The following KCTD9 variants were observed in gnomAD, a reference collection of about 807,000 sequenced individuals.
KCTD9 encodes the protein BTB/POZ domain-containing protein KCTD9.
Under a neutral mutation model 53.3 loss-of-function variants are expected in KCTD9, and 17 were observed. That is an observed-to-expected ratio of 0.32 (90% CI 0.22 to 0.48). The LOEUF is 0.48. Among genes scored for constraint, KCTD9 ranks in the 20% least tolerant of loss-of-function variants. KCTD9 has a pLI of 0.99. For missense variants in KCTD9, 179 were observed against 465.5 expected, an observed-to-expected ratio of 0.38 and a Z score of 5.66; for synonymous variants, 128 against 162.7, an observed-to-expected ratio of 0.79 and a Z score of 1.62.
At chr8:25,456,167 T>C (rs142144689) in intron 1 of KCTD9, among the ~76,000 whole-genome samples, 5 of 152,270 alleles carry the variant, frequency 3.3e-5, no homozygotes, top group Non-Finnish European at 7.3e-5. Flanking sequence ...AAACAAGCTA[T>C]GAGAGGGAAA....
intron 6 of KCTD9, among the ~76,000 whole-genome samples, chr8:25,436,729 G>T (rs1437791158): frequency 6.6e-6 from 1 of 152,078 alleles, no homozygotes; most frequent in Non-Finnish European, 1.5e-5. Flanking sequence ...TGTCTTATAG[G>T]AGAATAAATT....
At position 25,436,207 on chromosome 8, in the gene KCTD9, A is replaced by G. The variant is rs183177894; in HGVS notation, c.663+28T>C. ...TTTATTCATAGATTTGCTGATAGAA[A>G]TAATTGATGTAAAAGCCTGCTAATT... On this transcript the variant is annotated intron_variant, in intron 8 of 11. Coordinates refer to ENST00000221200, the MANE Select transcript of KCTD9 (RefSeq NM_017634.4). 1,625 of 1,320,086 alleles carry G rather than the reference A, an allele frequency of 1.2e-3. 2 individuals carry two copies. Among genetic ancestry groups the G allele is most frequent in the Non-Finnish European group, 1.5e-3 (1,370 of 914,712 alleles). 81.8% of individuals were successfully genotyped at this position (1,320,086 alleles called of 1,614,324 possible).
At chr8:25,439,044 A>T (rs1301932907) in intron 6 of KCTD9, among the ~76,000 whole-genome samples, 1 of 152,252 alleles carries the variant, frequency 6.6e-6, no homozygotes, top group Admixed American at 6.5e-5. Context: ...TGGCTTACAT[A>T]TTTAGCTATA....
chr8:25,446,842 CACTA>C (rs1467457592), intron 1 of KCTD9, among the ~76,000 whole-genome samples: 114 of 152,192 alleles, frequency 7.5e-4, no homozygotes, highest in South Asian at 2.1e-4. Context: ...TTTAATTCTT[CACTA>C]ACTAAGCCAG....
At chr8:25,437,635 G>A (rs1038839037) in intron 6 of KCTD9, among the ~76,000 whole-genome samples, 3 of 151,654 alleles carry the variant, frequency 2.0e-5, no homozygotes, top group Admixed American at 6.6e-5. Context: ...CCGAGATCGC[G>A]CCACTGCACT....
At chr8:25,442,628 A>C (rs56385545) in intron 3 of KCTD9, among the ~76,000 whole-genome samples, 61,300 of 151,922 alleles carry the variant, frequency 0.4, 12,756 homozygotes, top group African/African-American at 0.51. Context: ...TTTCAGATAA[A>C]CACTGGAAAC....
At chr8:25,436,529 T>A (rs1390993652) in intron 6 of KCTD9, 44 bp from the exon 7 acceptor site, 14 of 1,139,388 alleles carry the variant, frequency 1.2e-5, no homozygotes, top group Non-Finnish European at 1.6e-5. Flanking sequence ...ATTTAGTGAA[T>A]GTATTACATT....
chr8:25,443,514 G>C (rs1802160116), intron 3 of KCTD9, among the ~76,000 whole-genome samples: 2 of 152,138 alleles, frequency 1.3e-5, no homozygotes, highest in Admixed American at 1.3e-4. Flanking sequence ...TTTGTATGCA[G>C]TGGACCAATT....
intron 1 of KCTD9, chr8:25,451,643 C>T (rs1002604861): frequency 3.3e-5 from 5 of 152,174 alleles, no homozygotes; most frequent in African/African-American, 1.2e-4. Context: ...TTTTAAATTT[C>T]AGATCCCATG....
At chr8:25,438,225 A>C (rs1802055650) in intron 6 of KCTD9, among the ~76,000 whole-genome samples, 1 of 152,212 alleles carries the variant, frequency 6.6e-6, no homozygotes, top group Admixed American at 6.5e-5. Flanking sequence ...ATTTGAAGAA[A>C]AATTAAAATG....
chr8:25,437,212 C>T lies in KCTD9; in HGVS notation c.500-727G>A, dbSNP rs192651644. Among the ~76,000 whole-genome samples the T allele has an allele frequency of 2.4e-3, 368 of 152,274 alleles. 5 individuals are homozygous for T. Among genetic ancestry groups the T allele is most frequent in the African/African-American group, 8.6e-3 (357 of 41,550 alleles). ...GAGGCATCCAAAGATTATGCCATTC[C>T]GTTCGGATATATATCCCTGGTGGAA... On this transcript the variant is annotated intron_variant, in intron 6 of 11. Transcript: ENST00000221200.
chr8:25,435,674 G>A (rs1303291734), intron 8 of KCTD9, among the ~76,000 whole-genome samples, 162 bp from the exon 9 acceptor site: 1 of 152,124 alleles, frequency 6.6e-6, no homozygotes, highest in Non-Finnish European at 1.5e-5. Flanking sequence ...ATACATAAAA[G>A]AAGTGTCCTT....
At chr8:25,456,522 T>C (rs1163379672) in intron 1 of KCTD9, among the ~76,000 whole-genome samples, 1 of 152,244 alleles carries the variant, frequency 6.6e-6, no homozygotes, top group Admixed American at 6.5e-5. Context: ...ATCATGGCTT[T>C]GCTTCTTTTT....
At chr8:25,441,941 C>G (rs985649464) in intron 3 of KCTD9, among the ~76,000 whole-genome samples, 4 of 152,022 alleles carry the variant, frequency 2.6e-5, no homozygotes, top group South Asian at 2.1e-4. Flanking sequence ...GAGGTTGAAG[C>G]TGTAGTGAGC....
At chr8:25,440,501 T>G in intron 4 of KCTD9, 76 bp downstream of exon 4, 1 of 959,200 alleles carries the variant, frequency 1.0e-6, no homozygotes, top group Non-Finnish European at 1.7e-6. Flanking sequence ...TTTAAGGAAA[T>G]CAGCAAATTG....
intron 1 of KCTD9, among the ~76,000 whole-genome samples, chr8:25,455,151 G>C (rs985731758): frequency 1.3e-5 from 2 of 151,810 alleles, no homozygotes; most frequent in Admixed American, 6.6e-5. Context: ...CTTGAACCTG[G>C]GGGGCAGAGG....
At position 25,433,320 on chromosome 8, in the gene KCTD9, A is replaced by C. The variant is rs766485050; in HGVS notation, c.919+10T>G. 2.0e-6 allele frequency: 3 copies of C among 1,471,062 alleles called. No individual in the cohort carries two copies. In the South Asian group the frequency reaches 3.5e-5, roughly 17 times the overall value. The allele number at this position is 1,471,062 out of a possible 1,614,324, so 91.1% of individuals were successfully genotyped here. On this transcript the variant is annotated intron_variant, in intron 10 of 11. Transcript: ENST00000221200. ...CTTCGTAGAATAGGTATTTACAGAAAGGATCTCACCTTCTAAATTGGCTTT... is the reference window on the plus strand; with the variant it reads ...CTTCGTAGAATAGGTATTTACAGAACGGATCTCACCTTCTAAATTGGCTTT...
intron 1 of KCTD9, among the ~76,000 whole-genome samples, chr8:25,447,377 GCT>G (rs1173774897): frequency 6.6e-6 from 1 of 152,074 alleles, no homozygotes; most frequent in Non-Finnish European, 1.5e-5. Context: ...ACCAAGCAAG[GCT>G]CTGTCTCCCC....
chr8:25,441,494 C>G (rs1325791542), intron 3 of KCTD9, among the ~76,000 whole-genome samples: 2 of 151,948 alleles, frequency 1.3e-5, no homozygotes, highest in Non-Finnish European at 2.9e-5. Flanking sequence ...TATTCCAAAA[C>G]ATGCTAAAAG....
Sources: allele counts gnomAD v4.1 joint callset (sites outside exome capture counted in the v4.1 genomes callset), GRCh38; gene constraint gnomAD v4.1.1; transcripts MANE v1.5; gene names NCBI Gene and HGNC (gene_info 2026-07-23, HGNC 2026-07-21).